NXPH1: variants seen among roughly 807,000 people sequenced by gnomAD.
NXPH1 encodes the protein neurexophilin 1.
In NXPH1, 5 loss-of-function variants were observed where a neutral mutation model predicts 23.7. That is an observed-to-expected ratio of 0.21 (90% confidence interval 0.11 to 0.44). NXPH1 has a LOEUF of 0.44. Ranked by LOEUF, NXPH1 falls within the 20% of genes least tolerant of loss-of-function variation. The probability of loss-of-function intolerance (pLI) is 0.99; values close to 1 mark genes in which losing one functional copy is unlikely to be tolerated. For synonymous variants in NXPH1, 144 were observed against 122.2 expected (o/e 1.18, Z -1.18); for missense variants, 324 against 321.6 (o/e 1.01, Z -0.06).
At chr7:8,503,107 T>C (rs1216324951) in intron 2 of NXPH1, among the ~76,000 whole-genome samples, 1 of 152,030 alleles carries the variant, frequency 6.6e-6, no homozygotes, top group East Asian at 1.9e-4. Flanking sequence ...AGAGAAATAT[T>C]TGAAGGGCCC....
At chr7:8,570,406 G>T (rs1284802531) in intron 2 of NXPH1, among the ~76,000 whole-genome samples, 5 of 151,824 alleles carry the variant, frequency 3.3e-5, no homozygotes, top group Non-Finnish European at 7.4e-5. Flanking sequence ...GTGAAGTGAG[G>T]GATAGAATAG....
chr7:8,462,875 AAG>A (rs1328520755), intron 2 of NXPH1, among the ~76,000 whole-genome samples: 8 of 152,234 alleles, frequency 5.3e-5, no homozygotes, highest in African/African-American at 1.9e-4. Context: ...AAATTGCTAA[AAG>A]AGGAATTGCT....
chr7:8,486,397 C>A (rs560087084), intron 2 of NXPH1, among the ~76,000 whole-genome samples: 2 of 152,300 alleles, frequency 1.3e-5, no homozygotes, highest in Non-Finnish European at 1.5e-5. Flanking sequence ...TCCTCTGCAG[C>A]AGATAAAGGC....
intron 2 of NXPH1, among the ~76,000 whole-genome samples, chr7:8,695,173 G>A (rs1821287140): frequency 6.6e-6 from 1 of 152,132 alleles, no homozygotes; most frequent in Admixed American, 6.5e-5. Flanking sequence ...ATAATGGTAG[G>A]TACATTGTGC....
At chr7:8,516,782 C>T (rs1343174016) in intron 2 of NXPH1, among the ~76,000 whole-genome samples, 2 of 152,082 alleles carry the variant, frequency 1.3e-5, no homozygotes, top group Non-Finnish European at 2.9e-5. Context: ...TACTTATTCC[C>T]ACTCAAACAG....
At chr7:8,680,942 CA>C (rs1821040525) in intron 2 of NXPH1, among the ~76,000 whole-genome samples, 1 of 152,230 alleles carries the variant, frequency 6.6e-6, no homozygotes, top group Admixed American at 6.5e-5. Context: ...CTGAATACTT[CA>C]CCTGGGACAG....
At chr7:8,446,014 G>A (rs1442821280) in intron 2 of NXPH1, among the ~76,000 whole-genome samples, 1 of 152,208 alleles carries the variant, frequency 6.6e-6, no homozygotes, top group African/African-American at 2.4e-5. Flanking sequence ...GATGTTATTA[G>A]AGGCCCATAG....
chr7:8,525,380 G>C (rs1316135345), intron 2 of NXPH1, among the ~76,000 whole-genome samples: 1 of 152,194 alleles, frequency 6.6e-6, no homozygotes, highest in East Asian at 1.9e-4. Context: ...AAGAATAAAA[G>C]TTTGGAGAAT....
intron 2 of NXPH1, among the ~76,000 whole-genome samples, chr7:8,516,020 T>G (rs528181064): frequency 6.6e-6 from 1 of 152,244 alleles, no homozygotes; most frequent in Admixed American, 6.5e-5. Context: ...TCATATATTT[T>G]TCTGCCACCA....
intron 2 of NXPH1, among the ~76,000 whole-genome samples, chr7:8,583,195 G>C (rs1043508589): frequency 1.3e-5 from 2 of 152,176 alleles, no homozygotes; most frequent in African/African-American, 4.8e-5. Context: ...TAAATTGTCT[G>C]CCAATCTGTA....
At position 8,454,014 on chromosome 7, in the gene NXPH1, G is replaced by T. The variant is rs190677732; in HGVS notation, c.54+18247G>T. Among the ~76,000 whole-genome samples the T allele has an allele frequency of 1.7e-3, 257 of 152,184 alleles. 1 individual carries two copies. The highest frequency in any genetic ancestry group is 5.9e-3 in the African/African-American group (245 of 41,542). On this transcript the variant is annotated intron_variant, in intron 2 of 2. Coordinates refer to ENST00000405863, the MANE Select transcript of NXPH1 (RefSeq NM_152745.3). ...ACAGAAAACCAAATACTACATGTTT[G>T]CACTCATAAGTGCGAGCTAAATGAT...
At chr7:8,700,275 C>T (rs1490810699) in intron 2 of NXPH1, among the ~76,000 whole-genome samples, 1 of 152,138 alleles carries the variant, frequency 6.6e-6, no homozygotes, top group Non-Finnish European at 1.5e-5. Flanking sequence ...TCTATTACTT[C>T]TATTTATCTT....
chr7:8,591,021 A>C (rs1819083953), intron 2 of NXPH1, among the ~76,000 whole-genome samples: 1 of 152,092 alleles, frequency 6.6e-6, no homozygotes, highest in South Asian at 2.1e-4. Flanking sequence ...ATGCAGTTTC[A>C]GAAGTGTTTA....
At chr7:8,616,039 G>T (rs1461518252) in intron 2 of NXPH1, among the ~76,000 whole-genome samples, 1 of 152,014 alleles carries the variant, frequency 6.6e-6, no homozygotes, top group Admixed American at 6.6e-5. Flanking sequence ...GATTATATTA[G>T]ATCTCTGCTC....
At chr7:8,496,856 G>T (rs1248491493) in intron 2 of NXPH1, among the ~76,000 whole-genome samples, 1 of 151,960 alleles carries the variant, frequency 6.6e-6, no homozygotes, top group Non-Finnish European at 1.5e-5. Context: ...GAGGTAGGTA[G>T]GTAAATAAAA....
intron 2 of NXPH1, among the ~76,000 whole-genome samples, chr7:8,593,221 A>G (rs1819139944): frequency 6.7e-6 from 1 of 148,344 alleles, no homozygotes; most frequent in African/African-American, 2.5e-5. Flanking sequence ...GGAATGATGG[A>G]CTTACAGGAG....
At chr7:8,524,294 T>C (rs1817827567) in intron 2 of NXPH1, among the ~76,000 whole-genome samples, 1 of 150,540 alleles carries the variant, frequency 6.6e-6, no homozygotes, top group Admixed American at 6.6e-5. Context: ...TGTGAATCCT[T>C]ATAGAATGAA....
At chr7:8,740,757 T>C (rs1780347225) in intron 2 of NXPH1, among the ~76,000 whole-genome samples, 1 of 152,168 alleles carries the variant, frequency 6.6e-6, no homozygotes, top group South Asian at 2.1e-4. Flanking sequence ...CCAGCTTTAC[T>C]GATATGTAAT....
At chr7:8,471,819 G>C (rs886647305) in intron 2 of NXPH1, among the ~76,000 whole-genome samples, 1 of 151,978 alleles carries the variant, frequency 6.6e-6, no homozygotes. Context: ...CTATACAGGA[G>C]AGCATCTTAA....
Sources: gnomAD v4.1 joint callset for allele counts (sites outside exome capture counted in the v4.1 genomes callset) on GRCh38, gnomAD v4.1.1 for gene constraint, MANE v1.5 for transcripts, NCBI Gene and HGNC (gene_info 2026-07-23, HGNC 2026-07-21) for gene names.